RBFOX1: variants seen among roughly 807,000 people sequenced by gnomAD.
RBFOX1 encodes RNA binding fox-1 homolog 1, also known as RNA binding protein fox-1 homolog 1.
RBFOX1 carries 8 observed loss-of-function variants against 57.7 expected under a neutral mutation model. The ratio of observed to expected loss-of-function variants is 0.14; its 90% CI spans 0.08 to 0.25. The LOEUF (loss-of-function observed/expected upper bound fraction) is 0.25. RBFOX1 is among the 10% of genes least tolerant of loss of function. RBFOX1 has a pLI of 1.00. For missense variants in RBFOX1, 611 were observed against 548.5 expected, an observed-to-expected ratio of 1.11 and a Z score of -1.14; for synonymous variants, 326 against 222.4, an observed-to-expected ratio of 1.47 and a Z score of -4.15.
intron 3 of RBFOX1, chr16:6,704,489 C>G (rs531367148): frequency 1.3e-5 from 2 of 152,420 alleles, no homozygotes; most frequent in Admixed American, 1.3e-4. Flanking sequence ...GAACAGCAAA[C>G]CCAGAGGCCA....
At chr16:5,245,355 G>T (rs930366554) in intron 1 of RBFOX1, among the ~76,000 whole-genome samples, 1 of 152,204 alleles carries the variant, frequency 6.6e-6, no homozygotes, top group African/African-American at 2.4e-5. Context: ...GACCCAGGGG[G>T]CAATGTGTGC....
chr16:6,746,322 A>G (rs1470809561), intron 3 of RBFOX1, among the ~76,000 whole-genome samples: 4 of 152,152 alleles, frequency 2.6e-5, no homozygotes, highest in Admixed American at 1.3e-4. Context: ...TCTTTGAAAA[A>G]AACAATTTGG....
At chr16:6,498,769 T>A (rs2095842099) in intron 2 of RBFOX1, among the ~76,000 whole-genome samples, 1 of 152,208 alleles carries the variant, frequency 6.6e-6, no homozygotes, top group Non-Finnish European at 1.5e-5. Context: ...AATTGGATAA[T>A]GTTTCAGAGT....
chr16:7,252,550 G>A (rs367778394), intron 4 of RBFOX1, among the ~76,000 whole-genome samples: 1 of 152,212 alleles, frequency 6.6e-6, no homozygotes, highest in Non-Finnish European at 1.5e-5. Flanking sequence ...ATCTGACAAA[G>A]CTTGTCCATC....
intron 5 of RBFOX1, among the ~76,000 whole-genome samples, chr16:7,521,217 A>G (rs555920746): frequency 2.0e-5 from 3 of 152,336 alleles, no homozygotes; most frequent in Admixed American, 1.3e-4. Context: ...GGCTCACTCA[A>G]AGTCCTAAGA....
rs527413500 is a variant in RBFOX1, at chr16:5,404,653, T to A, written c.220-62563T>A. On this transcript the variant is annotated intron_variant, in intron 1 of 2. Coordinates refer to the RBFOX1 transcript ENST00000585867. ...TTCATCACAGAGCCCTGAACCCCTA[T>A]TCTGTGCACAGATGCTGTTGTGCAT... Among the ~76,000 whole-genome samples the A allele has an allele frequency of 3.3e-5, 5 of 152,320 alleles. No individual in the cohort carries two copies. The South Asian group carries it at 8.3e-4, about 25-fold the overall frequency.
intron 3 of RBFOX1, among the ~76,000 whole-genome samples, chr16:5,802,037 G>T (rs988214088): frequency 6.6e-6 from 1 of 152,094 alleles, no homozygotes; most frequent in African/African-American, 2.4e-5. Context: ...CCTTGACGGG[G>T]CCTCTTTATA....
intron 1 of RBFOX1, among the ~76,000 whole-genome samples, chr16:6,205,047 A>G (rs1847331210): frequency 6.6e-6 from 1 of 152,314 alleles, no homozygotes; most frequent in South Asian, 2.1e-4. Flanking sequence ...TGATGTTAAT[A>G]TTTAAGAAGT....
intron 2 of RBFOX1, among the ~76,000 whole-genome samples, chr16:5,514,333 T>TG (rs2043712532): frequency 6.6e-6 from 1 of 152,194 alleles, no homozygotes; most frequent in African/African-American, 2.4e-5. Context: ...CGTCTGGGCA[T>TG]GTGTTTCTCA....
At chr16:7,363,809 C>T (rs1300751864) in intron 4 of RBFOX1, among the ~76,000 whole-genome samples, 1 of 152,026 alleles carries the variant, frequency 6.6e-6, no homozygotes, top group Non-Finnish European at 1.5e-5. Flanking sequence ...AATAAGTGCC[C>T]AGAATCTCCC....
chr16:7,058,495 A>C (rs1463354629), intron 4 of RBFOX1, among the ~76,000 whole-genome samples: 1 of 152,206 alleles, frequency 6.6e-6, no homozygotes, highest in Admixed American at 6.5e-5. Context: ...GTAGCCTTGT[A>C]CATGTTACTT....
chr16:7,641,879 G>A (rs2062866655), intron 11 of RBFOX1, among the ~76,000 whole-genome samples: 1 of 152,114 alleles, frequency 6.6e-6, no homozygotes, highest in Admixed American at 6.5e-5. Context: ...CGTCCTCCAG[G>A]CTGCTTGAGG....
intron 4 of RBFOX1, among the ~76,000 whole-genome samples, chr16:7,222,445 C>T (rs955139217): frequency 1.3e-5 from 2 of 152,184 alleles, no homozygotes; most frequent in Non-Finnish European, 2.9e-5. Context: ...GCCCAGAGCT[C>T]TGTCAAAATG....
rs2095039450 is a variant in RBFOX1 at position 7,264,160 on chromosome 16, A to G, written c.27+212062A>G. ...AAGGAAGCTTATAAACTGATGTGCTAGGCTCCTGGACTCCAGACCTCAAGC... is the reference window on the plus strand; with the variant it reads ...AAGGAAGCTTATAAACTGATGTGCTGGGCTCCTGGACTCCAGACCTCAAGC... On this transcript the variant is annotated intron_variant, in intron 4 of 15. Coordinates refer to ENST00000550418, the MANE Select transcript of RBFOX1 (RefSeq NM_018723.4). 2.0e-5 allele frequency among the ~76,000 whole-genome samples: 3 copies of G among 152,166 alleles called. No individual in the cohort carries two copies. The South Asian group carries it at 6.2e-4, about 32-fold the overall frequency.
intron 4 of RBFOX1, among the ~76,000 whole-genome samples, chr16:5,940,317 A>G (rs1283656297): frequency 1.3e-5 from 2 of 152,186 alleles, no homozygotes; most frequent in Non-Finnish European, 2.9e-5. Context: ...CTAAAGCCTC[A>G]TTTAGCTTAT....
intron 2 of RBFOX1, among the ~76,000 whole-genome samples, chr16:5,496,301 A>T (rs557226050): frequency 6.6e-6 from 1 of 152,286 alleles, no homozygotes; most frequent in Non-Finnish European, 1.5e-5. Flanking sequence ...TGGTGTCAAG[A>T]GCCTGGACAT....
At chr16:6,157,763 C>G (rs2096848821) in intron 1 of RBFOX1, among the ~76,000 whole-genome samples, 1 of 152,008 alleles carries the variant, frequency 6.6e-6, no homozygotes, top group Non-Finnish European at 1.5e-5. Context: ...AATTTATAGG[C>G]TTATGTAACT....
At position 7,616,434 on chromosome 16, in the gene RBFOX1, C is replaced by G. The variant is rs145991296; in HGVS notation, c.676+9096C>G. On this transcript the variant is annotated intron_variant, in intron 10 of 15. Coordinates refer to ENST00000550418, the MANE Select transcript of RBFOX1 (RefSeq NM_018723.4). ...ACATAGGCAAGCTGCACCTGCATGACTGACCAACTCTCAAACCTCAGCCCA... is the reference window on the plus strand; with the variant it reads ...ACATAGGCAAGCTGCACCTGCATGAGTGACCAACTCTCAAACCTCAGCCCA... Among the ~76,000 whole-genome samples the G allele has an allele frequency of 9.8e-5, 15 of 152,362 alleles. No individual in the cohort carries two copies. In the East Asian group the frequency reaches 1.7e-3, roughly 18 times the overall value.
chr16:5,775,351 C>A (rs970840872), intron 3 of RBFOX1, among the ~76,000 whole-genome samples: 6 of 152,076 alleles, frequency 3.9e-5, no homozygotes, highest in African/African-American at 1.4e-4. Flanking sequence ...GATGTTATAC[C>A]TGGGAATTTC....
Sources: allele counts gnomAD v4.1 joint callset (sites outside exome capture counted in the v4.1 genomes callset), GRCh38; gene constraint gnomAD v4.1.1; transcripts MANE v1.5; gene names NCBI Gene and HGNC (gene_info 2026-07-23, HGNC 2026-07-21).